Variants in NAV2 observed in about 807,000 individuals in gnomAD.
NAV2 encodes the protein neuron navigator 2.
NAV2 carries 54 observed loss-of-function variants against 223.2 expected under a neutral mutation model. The ratio of observed to expected loss-of-function variants is 0.24; its 90% CI spans 0.19 to 0.30. The LOEUF is 0.30. Among genes scored for constraint, NAV2 ranks in the 10% least tolerant of loss-of-function variants. The probability of loss-of-function intolerance (pLI) is 1.00; values close to 1 mark genes in which losing one functional copy is unlikely to be tolerated. For synonymous variants in NAV2, 1,279 were observed against 1,239.3 expected (o/e 1.03, Z -0.67); for missense variants, 2,806 against 3,147.5 (o/e 0.89, Z 2.60).
rs112403965 is a variant in NAV2, at chr11:19,950,591, C to A, written c.2645+1511C>A. Among the ~76,000 whole-genome samples the A allele has an allele frequency of 5.5e-3, 840 of 152,304 alleles. 8 individuals are homozygous for A. Among genetic ancestry groups the A allele is most frequent in the African/African-American group, 0.017 (693 of 41,562 alleles). On this transcript the variant is annotated intron_variant, in intron 10 of 37. Coordinates refer to ENST00000349880, the MANE Select transcript of NAV2 (RefSeq NM_145117.5). Reference sequence around the variant, plus strand: ...TCTTTTATTTCATTAAAAGCTGAGGCATAGAGGTGCTTTGGTTTTCAGCCT... The same window carrying A: ...TCTTTTATTTCATTAAAAGCTGAGGAATAGAGGTGCTTTGGTTTTCAGCCT...
chr11:19,384,331 G>A (rs944963025), intron 1 of NAV2, among the ~76,000 whole-genome samples: 5 of 152,210 alleles, frequency 3.3e-5, no homozygotes, highest in Non-Finnish European at 5.9e-5. Context: ...GGTAAAGAGA[G>A]TAAAATGAGT....
intron 1 of NAV2, among the ~76,000 whole-genome samples, chr11:19,824,429 T>C (rs2059546547): frequency 6.6e-6 from 1 of 152,190 alleles, no homozygotes; most frequent in Admixed American, 6.5e-5. Context: ...GTTGGGCATG[T>C]GGGGCACTGC....
At chr11:19,447,618 A>G (rs1851633432) in intron 1 of NAV2, among the ~76,000 whole-genome samples, 1 of 152,220 alleles carries the variant, frequency 6.6e-6, no homozygotes, top group South Asian at 2.1e-4. Flanking sequence ...CTGAATTCTT[A>G]CAACACTATG....
At chr11:20,001,489 ATCTC>A (rs1436933215) in intron 11 of NAV2, among the ~76,000 whole-genome samples, 1 of 152,064 alleles carries the variant, frequency 6.6e-6, no homozygotes, top group East Asian at 1.9e-4. Flanking sequence ...TGGATGGGTT[ATCTC>A]TCTCCATCCA....
At chr11:20,025,974 G>A (rs995036780) in intron 11 of NAV2, among the ~76,000 whole-genome samples, 2 of 152,248 alleles carry the variant, frequency 1.3e-5, no homozygotes, top group Middle Eastern at 3.4e-3. Context: ...ACCTGATTTG[G>A]TCCCACCAAA....
intron 6 of NAV2, among the ~76,000 whole-genome samples, chr11:19,917,217 T>A (rs1417875669): frequency 6.6e-6 from 1 of 152,220 alleles, no homozygotes; most frequent in Non-Finnish European, 1.5e-5. Flanking sequence ...CCAGCCTTTC[T>A]GTGAAGGTGG....
chr11:19,613,875 A>C (rs893174914), intron 1 of NAV2, among the ~76,000 whole-genome samples: 3 of 152,260 alleles, frequency 2.0e-5, no homozygotes, highest in African/African-American at 7.2e-5. Flanking sequence ...AATTGTAAGC[A>C]ACTCAGTAAA....
intron 7 of NAV2, 144 bp downstream of exon 7, chr11:19,934,421 A>G: frequency 1.0e-6 from 1 of 988,708 alleles, no homozygotes; most frequent in Non-Finnish European, 1.4e-6. Flanking sequence ...ATGAACTCCT[A>G]AGAGAAGCAG....
rs745986101 is a variant in NAV2 at position 19,933,550 on chromosome 11, T to C, written c.1306T>C (p.Phe436Leu). ...SCERLETLPS[F>L]EESEELEAAS... The stretch of plus-strand genomic sequence containing the variant: ...TGAGCGGCTGGAGACTCTGCCCAGC[T>C]TCGAAGAGAGCGAGGAGCTGGAGGC... Residue 436 changes from phenylalanine to leucine, a missense_variant, in exon 7 of 38, where the codon TTC becomes CTC. Phe to Leu is a conservative substitution (Grantham distance 22, BLOSUM62 0). This residue lies in a region of NAV2 where 1,167 missense variants were observed against 1,180.5 expected (regional missense o/e 0.99). Transcript: ENST00000349880. This position sits in a 1 kb window ranked among gnomAD's most constrained non-coding sequence, Gnocchi z 4.3. 2.5e-6 allele frequency: 4 copies of C among 1,609,492 alleles called. No homozygotes were observed. The African/African-American group carries it at 4.0e-5, about 16-fold the overall frequency.
chr11:19,728,238 T>G (rs1246425828), intron 1 of NAV2, among the ~76,000 whole-genome samples: 3 of 152,062 alleles, frequency 2.0e-5, no homozygotes, highest in Non-Finnish European at 4.4e-5. Flanking sequence ...GTTCTTAGAG[T>G]CAAAAACATT....
chr11:19,841,973 G>C (rs888862196), intron 2 of NAV2, among the ~76,000 whole-genome samples: 1 of 152,194 alleles, frequency 6.6e-6, no homozygotes, highest in Non-Finnish European at 1.5e-5. Context: ...GTGACCCAAA[G>C]AGGTCGAGTG....
At position 19,388,422 on chromosome 11, in the gene NAV2, G is replaced by A. The variant is rs540202606; in HGVS notation, c.75+37395G>A. Among the ~76,000 whole-genome samples, 76 of 152,218 alleles carry A rather than the reference G, an allele frequency of 5.0e-4. 1 individual carries two copies. The highest frequency in any genetic ancestry group is 1.8e-3 in the African/African-American group (75 of 41,534). On this transcript the variant is annotated intron_variant, in intron 1 of 37. Transcript: ENST00000360655. The stretch of plus-strand genomic sequence containing the variant: ...GCTTCATTGGAGATGTTTAAAATTT[G>A]CCTGCTGATTCTCTTTCTTATTCTA...
rs150986557 is a variant in NAV2 at position 19,795,467 on chromosome 11, C to T, written c.268-37017C>T. ...AAACAAAATATTCTAATGGTAAATG[C>T]AAAAGCAATATTGGGCAAAATAGAA... On this transcript the variant is annotated intron_variant, in intron 1 of 37. Coordinates refer to ENST00000349880, the MANE Select transcript of NAV2 (RefSeq NM_145117.5). Among the ~76,000 whole-genome samples the T allele has an allele frequency of 1.9e-4, 29 of 152,102 alleles. 1 individual carries two copies. Among genetic ancestry groups the T allele is most frequent in the South Asian group, 6.2e-4 (3 of 4,804 alleles).
intron 1 of NAV2, among the ~76,000 whole-genome samples, chr11:19,524,384 G>A: frequency 6.6e-6 from 1 of 152,246 alleles, no homozygotes; most frequent in Non-Finnish European, 1.5e-5. Flanking sequence ...GTACTACAGA[G>A]CTGTGTGTAA....
chr11:19,713,999 G>T lies in NAV2; in HGVS notation c.267+37G>T. 1 of 1,607,682 alleles carries T rather than the reference G, an allele frequency of 6.2e-7. No individual in the cohort carries two copies. Among genetic ancestry groups the T allele is most frequent in the Non-Finnish European group, 8.5e-7 (1 of 1,176,968 alleles). On this transcript the variant is annotated intron_variant, in intron 1 of 37. Transcript: ENST00000349880. This position sits in a 1 kb window ranked among gnomAD's most constrained non-coding sequence, Gnocchi z 7.2. ...CGTTTGCCGGGGTACTGTTCTGGAAGGATGGATGAATAGTTCTTTCGGGAT... is the reference window on the plus strand; with the variant it reads ...CGTTTGCCGGGGTACTGTTCTGGAATGATGGATGAATAGTTCTTTCGGGAT...
At chr11:19,668,638 G>T (rs2048495382) in intron 1 of NAV2, among the ~76,000 whole-genome samples, 1 of 151,886 alleles carries the variant, frequency 6.6e-6, no homozygotes, top group Non-Finnish European at 1.5e-5. Context: ...ATCCAGGGTG[G>T]GGCACACTTT....
At chr11:19,428,355 A>G (rs1189169354) in intron 1 of NAV2, among the ~76,000 whole-genome samples, 3 of 152,186 alleles carry the variant, frequency 2.0e-5, no homozygotes, top group African/African-American at 7.2e-5. Flanking sequence ...TTTGAGAGAC[A>G]CTGGAAATTT....
chr11:19,892,537 T>C lies in NAV2; in HGVS notation c.874T>C (p.Tyr292His). The change falls in exon 6 of 38, where the codon TAT becomes CAT. Residue 292 changes from tyrosine to histidine, a missense_variant. Around this residue, in one of 4 missense-constraint regions of NAV2, gnomAD observed 1,167 missense variants for 1,180.5 expected, o/e 0.99. Transcript: ENST00000349880. ...NNRRSQSFNNYDKSKPVTSPP... is the reference protein window; with the variant it reads ...NNRRSQSFNNHDKSKPVTSPP... The stretch of plus-strand genomic sequence containing the variant: ...CCGACGCAGCCAGAGCTTTAACAAC[T>C]ATGATAAATCCAAACCAGTCACCTC... 6.2e-7 allele frequency: 1 copy of C among 1,614,182 alleles called. No individual in the cohort carries two copies.
chr11:19,861,026 A>AGGGGAGAGGGAGAGGGAG (rs1481680376), intron 3 of NAV2, among the ~76,000 whole-genome samples: 1 of 89,484 alleles, frequency 1.1e-5, no homozygotes, highest in East Asian at 3.7e-4. Context: ...CGGTGGAAAG[A>AGGGGAGAGGGAGAGGGAG]GGGCAGAGGG....
Sources: allele counts gnomAD v4.1 joint callset (sites outside exome capture counted in the v4.1 genomes callset), GRCh38; gene constraint gnomAD v4.1.1; regional missense constraint gnomAD v4.1.1; non-coding constraint Gnocchi (gnomAD v3.1); transcripts MANE v1.5; gene names NCBI Gene and HGNC (gene_info 2026-07-23, HGNC 2026-07-21).